Variants in CLVS1 observed in about 807,000 individuals in gnomAD.
CLVS1 encodes clavesin-1.
Under a neutral mutation model 33.1 loss-of-function variants are expected in CLVS1, and 10 were observed. That is an observed-to-expected ratio of 0.30 (90% confidence interval 0.19 to 0.51). The LOEUF is 0.51. Ranked by LOEUF, CLVS1 falls within the 20% of genes least tolerant of loss-of-function variation. The probability of loss-of-function intolerance (pLI) is 0.97; values close to 1 mark genes in which losing one functional copy is unlikely to be tolerated. For synonymous variants in CLVS1, 163 were observed against 166.1 expected (o/e 0.98, Z 0.14); for missense variants, 343 against 433.4 (o/e 0.79, Z 1.85).
intron 2 of CLVS1, among the ~76,000 whole-genome samples, chr8:61,249,872 T>C (rs1026217767): frequency 6.6e-6 from 1 of 152,250 alleles, no homozygotes; most frequent in Non-Finnish European, 1.5e-5. Flanking sequence ...GGTTGCCTGT[T>C]CACTCTGATG....
upstream of CLVS1, among the ~76,000 whole-genome samples, chr8:61,286,877 G>A (rs1443060432): frequency 6.6e-6 from 1 of 152,134 alleles, no homozygotes; most frequent in Non-Finnish European, 1.5e-5. Context: ...TTGATATCTT[G>A]CTTTCCTTCA....
At position 61,388,542 on chromosome 8, in the gene CLVS1, A is replaced by G. The variant is rs1262701666; in HGVS notation, c.630+11763A>G. Among the ~76,000 whole-genome samples the G allele has an allele frequency of 5.3e-5, 8 of 152,124 alleles. No homozygotes were observed. In the East Asian group the frequency reaches 5.8e-4, roughly 11 times the overall value. ...ATTATACAGCAGTTGTATCTCCTAA[A>G]ATATAGGATATGCAGCATCAAATAA... On this transcript the variant is annotated intron_variant, in intron 3 of 5. Transcript: ENST00000325897.
At chr8:61,078,329 T>C (rs907975827) in intron 1 of CLVS1, among the ~76,000 whole-genome samples, 2 of 152,172 alleles carry the variant, frequency 1.3e-5, no homozygotes, top group Admixed American at 1.3e-4. Flanking sequence ...ATTTGCTAAA[T>C]TGGGACTGAT....
intron 5 of CLVS1, among the ~76,000 whole-genome samples, chr8:61,476,694 T>A (rs573302746): frequency 2.0e-5 from 3 of 152,318 alleles, no homozygotes; most frequent in Non-Finnish European, 2.9e-5. Context: ...AAGGAGATTT[T>A]GGGCTGAGAC....
chr8:61,062,578 G>T (rs1804600699), intron 1 of CLVS1, among the ~76,000 whole-genome samples: 1 of 152,178 alleles, frequency 6.6e-6, no homozygotes, highest in Admixed American at 6.5e-5. Flanking sequence ...GCTTGCTTTT[G>T]TTTTATTTTC....
intron 2 of CLVS1, among the ~76,000 whole-genome samples, chr8:61,190,700 T>G (rs1245030278): frequency 1.3e-5 from 2 of 152,128 alleles, no homozygotes; most frequent in African/African-American, 4.8e-5. Context: ...ATATCACCAC[T>G]GATCCCACAG....
intron 1 of CLVS1, among the ~76,000 whole-genome samples, chr8:61,074,976 C>A (rs1022014531): frequency 6.6e-6 from 1 of 151,998 alleles, no homozygotes; most frequent in African/African-American, 2.4e-5. Context: ...AGAAAATCAT[C>A]CTCCCCCCCC....
intron 2 of CLVS1, among the ~76,000 whole-genome samples, chr8:61,185,202 G>C (rs1449081166): frequency 1.3e-5 from 2 of 151,082 alleles, no homozygotes; most frequent in Non-Finnish European, 1.5e-5. Flanking sequence ...AGAGTGCAGT[G>C]GCAGCGTTAC....
chr8:61,196,190 G>A (rs1478310783), intron 2 of CLVS1, among the ~76,000 whole-genome samples: 3 of 152,138 alleles, frequency 2.0e-5, no homozygotes, highest in African/African-American at 4.8e-5. Flanking sequence ...TAGACCCTGA[G>A]GATAGAGACA....
the CLVS1 span, among the ~76,000 whole-genome samples, chr8:61,020,994 C>T: frequency 6.6e-6 from 1 of 152,360 alleles, no homozygotes; most frequent in African/African-American, 2.4e-5. Context: ...GGAGGGCTCT[C>T]TATAAAGGCT....
chr8:61,427,570 G>A (rs1162588406), intron 3 of CLVS1, among the ~76,000 whole-genome samples: 2 of 152,130 alleles, frequency 1.3e-5, no homozygotes, highest in South Asian at 4.2e-4. Flanking sequence ...TTGAGAAATG[G>A]GGAGACTCTG....
intron 1 of CLVS1, among the ~76,000 whole-genome samples, chr8:61,106,423 C>T (rs1805539515): frequency 6.6e-6 from 1 of 152,206 alleles, no homozygotes; most frequent in African/African-American, 2.4e-5. Context: ...AGAATGAAAG[C>T]TAAGGCGCAT....
intron 1 of CLVS1, among the ~76,000 whole-genome samples, chr8:61,121,050 G>A (rs1364500271): frequency 6.6e-6 from 1 of 151,980 alleles, no homozygotes; most frequent in Non-Finnish European, 1.5e-5. Flanking sequence ...GACCCTCCAA[G>A]CCAGGTGCGG....
chr8:61,308,927 C>T (rs1415558657), intron 2 of CLVS1, among the ~76,000 whole-genome samples: 1 of 152,156 alleles, frequency 6.6e-6, no homozygotes, highest in Admixed American at 6.5e-5. Context: ...TTTCCAAAGT[C>T]TTTTTCAATC....
intron 2 of CLVS1, among the ~76,000 whole-genome samples, chr8:61,196,192 A>T (rs1297903380): frequency 1.3e-5 from 2 of 152,194 alleles, no homozygotes. Context: ...GACCCTGAGG[A>T]TAGAGACAAG....
upstream of CLVS1, among the ~76,000 whole-genome samples, chr8:61,052,725 C>T (rs77625173): frequency 7.2e-3 from 1,093 of 152,190 alleles, 8 homozygotes; most frequent in African/African-American, 0.024. Flanking sequence ...GAGCAGGTGG[C>T]GTGGGGCTCT....
At chr8:61,019,508 A>G in the CLVS1 span, among the ~76,000 whole-genome samples, 4 of 152,140 alleles carry the variant, frequency 2.6e-5, no homozygotes, top group Admixed American at 6.5e-5. Context: ...AACAATCACT[A>G]AGGTCCTATC....
rs142988295 is a variant in CLVS1 at position 61,431,289 on chromosome 8, G to A, written c.631-22852G>A. Among the ~76,000 whole-genome samples, 24 of 152,036 alleles carry A rather than the reference G, an allele frequency of 1.6e-4. 1 individual carries two copies. Among genetic ancestry groups the A allele is most frequent in the Admixed American group, 2.6e-4 (4 of 15,258 alleles). ...CTTGGGAAACAATGTATTAAACAAC[G>A]TTCAACAGATTTCTTGTGTAAGAGA... On this transcript the variant is annotated intron_variant, in intron 3 of 5. Transcript: ENST00000325897.
intron 1 of CLVS1, among the ~76,000 whole-genome samples, chr8:61,085,792 G>A (rs1805110504): frequency 6.6e-6 from 1 of 151,140 alleles, no homozygotes; most frequent in African/African-American, 2.4e-5. Flanking sequence ...GGGAGGCCGA[G>A]GCGGGCGGAT....
Sources: allele counts gnomAD v4.1 joint callset (sites outside exome capture counted in the v4.1 genomes callset), GRCh38; gene constraint gnomAD v4.1.1; transcripts MANE v1.5; gene names NCBI Gene and HGNC (gene_info 2026-07-23, HGNC 2026-07-21).